Variants in MCF2L2 observed in about 807,000 individuals in gnomAD.
MCF2L2 encodes probable guanine nucleotide exchange factor MCF2L2.
Under a neutral mutation model 150.2 loss-of-function variants are expected in MCF2L2, and 102 were observed. The ratio of observed to expected loss-of-function variants is 0.68; its 90% confidence interval spans 0.58 to 0.80. MCF2L2 has a LOEUF of 0.80. Among genes scored for constraint, MCF2L2 ranks in the 30% least tolerant of loss-of-function variants. MCF2L2 has a pLI of 0.00. For synonymous variants in MCF2L2, 465 were observed against 491.3 expected, an observed-to-expected ratio of 0.95 and a Z score of 0.71; for missense variants, 1,256 against 1,372.8, an observed-to-expected ratio of 0.91 and a Z score of 1.34.
At chr3:183,231,999 T>C (rs1165410982) in intron 15 of MCF2L2, among the ~76,000 whole-genome samples, 1 of 152,174 alleles carries the variant, frequency 6.6e-6, no homozygotes, top group East Asian at 1.9e-4. Flanking sequence ...ATTTAGGGGA[T>C]GCTGTGGAAG....
Position 183,391,587 on chromosome 3 carries a change from C to T in MCF2L2, c.77-1808G>A, listed in dbSNP as rs528572885. ...TTGCTGACAAATACTCCAGCACTCC[C>T]CTTCACTAAAACTATGCATGGGGTG... On this transcript the variant is annotated intron_variant, in intron 1 of 29. Coordinates refer to ENST00000328913, the MANE Select transcript of MCF2L2 (RefSeq NM_015078.4). Among the ~76,000 whole-genome samples the T allele has an allele frequency of 8.5e-5, 13 of 152,212 alleles. No homozygotes were observed. The South Asian group carries it at 2.7e-3, about 32-fold the overall frequency.
chr3:183,350,861 G>A (rs530062774), intron 3 of MCF2L2, among the ~76,000 whole-genome samples: 147 of 150,422 alleles, frequency 9.8e-4, no homozygotes, highest in African/African-American at 3.4e-3. Context: ...CCCAGATAGC[G>A]CCACGGCACT....
At chr3:183,216,166 G>A (rs940534002) in intron 21 of MCF2L2, 72 bp from the exon 22 acceptor site, 1 of 1,541,218 alleles carries the variant, frequency 6.5e-7, no homozygotes, top group Non-Finnish European at 8.8e-7. Context: ...AAACAGGACA[G>A]AGATGAGGAG....
At position 183,283,799 on chromosome 3, in the gene MCF2L2, G is replaced by A. The variant is rs1727640413; in HGVS notation, c.1776+5321C>T. ...AGCCTCCCAAAGTGCTGGGATTACA[G>A]GTGTGAGCCACCACGACCAGCCTTA... On this transcript the variant is annotated intron_variant, in intron 14 of 29. Coordinates refer to ENST00000328913, the MANE Select transcript of MCF2L2 (RefSeq NM_015078.4). This position sits in a 1 kb window ranked among gnomAD's most constrained non-coding sequence, Gnocchi z 4.2. Among the ~76,000 whole-genome samples, 1 of 152,196 alleles carries A rather than the reference G, an allele frequency of 6.6e-6. No individual in the cohort carries two copies. Among genetic ancestry groups the A allele is most frequent in the Non-Finnish European group, 1.5e-5 (1 of 68,034 alleles).
intron 12 of MCF2L2, among the ~76,000 whole-genome samples, chr3:183,295,937 G>A (rs1168958863): frequency 6.6e-6 from 1 of 152,130 alleles, no homozygotes; most frequent in Non-Finnish European, 1.5e-5. Context: ...CAGCCTGGGC[G>A]ACAGAGCGAC....
At chr3:183,241,006 C>T (rs1723999275) in intron 15 of MCF2L2, among the ~76,000 whole-genome samples, 1 of 152,056 alleles carries the variant, frequency 6.6e-6, no homozygotes, top group Non-Finnish European at 1.5e-5. Context: ...GAGAAATGTA[C>T]CATAATCCTG....
At position 183,340,771 on chromosome 3, in the gene MCF2L2, C is replaced by T. The variant is rs1227551462; in HGVS notation, c.366+769G>A. On this transcript the variant is annotated intron_variant, in intron 4 of 29. Transcript: ENST00000328913. Reference sequence around the variant, plus strand: ...CAGCCTAGTCAACATGGTGAAACCCCGTCTCTACTAAAAATACACAAATTA... The same window carrying T: ...CAGCCTAGTCAACATGGTGAAACCCTGTCTCTACTAAAAATACACAAATTA... Among the ~76,000 whole-genome samples the T allele has an allele frequency of 3.3e-5, 5 of 151,960 alleles. 1 individual carries two copies. The highest frequency in any genetic ancestry group is 3.3e-4 in the Admixed American group (5 of 15,242).
intron 14 of MCF2L2, among the ~76,000 whole-genome samples, chr3:183,277,389 T>G (rs1396018128): frequency 6.6e-6 from 1 of 150,730 alleles, no homozygotes; most frequent in Non-Finnish European, 1.5e-5. Context: ...GAAGGGCTAT[T>G]CATACTTTAC....
At chr3:183,398,549 A>C (rs917617028) in intron 1 of MCF2L2, among the ~76,000 whole-genome samples, 11 of 151,330 alleles carry the variant, frequency 7.3e-5, no homozygotes, top group African/African-American at 2.2e-4. Context: ...TTATAAATAT[A>C]ATATGCTTTT....
chr3:183,370,933 A>T (rs1344807088), intron 3 of MCF2L2, among the ~76,000 whole-genome samples: 1 of 152,134 alleles, frequency 6.6e-6, no homozygotes, highest in Non-Finnish European at 1.5e-5. Flanking sequence ...TGGGCAACAC[A>T]GCTGCCCACA....
chr3:183,251,232 G>A (rs753028830), intron 15 of MCF2L2, among the ~76,000 whole-genome samples: 11 of 152,250 alleles, frequency 7.2e-5, no homozygotes, highest in Non-Finnish European at 1.3e-4. Context: ...GACAAATTTC[G>A]CTAAACAGGT....
chr3:183,282,229 G>A (rs1470261708), intron 14 of MCF2L2, among the ~76,000 whole-genome samples: 4 of 151,340 alleles, frequency 2.6e-5, no homozygotes, highest in Admixed American at 6.6e-5. Flanking sequence ...CCCAGGCTGT[G>A]GTACAGTGGT....
In MCF2L2 at chr3:183,277,317, A is replaced by G. The variant is rs1727215590; in HGVS notation, c.1777-360T>C. On this transcript the variant is annotated intron_variant, in intron 14 of 29. Transcript: ENST00000328913. ...ACACCATTGCACTCCAGCCTCAGCA[A>G]CAGAGCGAGATGCCATATCCAAAAA... Among the ~76,000 whole-genome samples, 3 of 150,054 alleles carry G rather than the reference A, an allele frequency of 2.0e-5. No individual in the cohort carries two copies. The South Asian group carries it at 6.3e-4, about 32-fold the overall frequency.
chr3:183,225,537 A>C (rs1204361160), intron 18 of MCF2L2: 3 of 152,268 alleles, frequency 2.0e-5, no homozygotes, highest in Non-Finnish European at 4.4e-5. Flanking sequence ...TATTCACACA[A>C]GAATACATAC....
At chr3:183,346,753 T>G (rs980135809) in intron 3 of MCF2L2, among the ~76,000 whole-genome samples, 4 of 152,066 alleles carry the variant, frequency 2.6e-5, no homozygotes, top group Admixed American at 2.6e-4. Context: ...CATAAGCATT[T>G]CTATTCACCA....
At chr3:183,400,182 T>G (rs994294957) in intron 1 of MCF2L2, among the ~76,000 whole-genome samples, 2 of 152,220 alleles carry the variant, frequency 1.3e-5, no homozygotes, top group Admixed American at 1.3e-4. Context: ...AGCTAATTAA[T>G]GCTTTTTTTA....
At chr3:183,386,113 C>T (rs979416615) in intron 2 of MCF2L2, among the ~76,000 whole-genome samples, 2 of 152,138 alleles carry the variant, frequency 1.3e-5, no homozygotes, top group African/African-American at 4.8e-5. Flanking sequence ...GGCTAAGTTC[C>T]CTTGTAGTCA....
At chr3:183,322,579 G>T (rs572594621) in intron 6 of MCF2L2, among the ~76,000 whole-genome samples, 68 of 152,320 alleles carry the variant, frequency 4.5e-4, no homozygotes, top group African/African-American at 1.6e-3. Flanking sequence ...GCTCAGAAAT[G>T]CTTAGAAACT....
chr3:183,364,786 T>C (rs1343299416), intron 3 of MCF2L2, among the ~76,000 whole-genome samples: 1 of 152,140 alleles, frequency 6.6e-6, no homozygotes, highest in Non-Finnish European at 1.5e-5. Context: ...TTTGAAAACC[T>C]GGATATAAAT....
Sources: gnomAD v4.1 joint callset for allele counts (sites outside exome capture counted in the v4.1 genomes callset) on GRCh38, gnomAD v4.1.1 for gene constraint, Gnocchi (gnomAD v3.1) non-coding constraint, MANE v1.5 for transcripts, NCBI Gene and HGNC (gene_info 2026-07-23, HGNC 2026-07-21) for gene names.